DYNC2I1: variants seen among roughly 807,000 people sequenced by gnomAD.
DYNC2I1 encodes cytoplasmic dynein 2 intermediate chain 1.
A neutral mutation model predicts 133.4 loss-of-function variants in DYNC2I1; 89 were observed. The ratio of observed to expected loss-of-function variants is 0.67; its 90% CI spans 0.56 to 0.80. DYNC2I1 has a LOEUF of 0.80. Ranked by LOEUF, DYNC2I1 falls within the 30% of genes least tolerant of loss-of-function variation. The pLI is 0.00. For missense variants in DYNC2I1, 1,291 were observed against 1,314.5 expected (o/e 0.98, Z 0.28); for synonymous variants, 504 against 484.3 (o/e 1.04, Z -0.54).
At chr7:158,949,772 TCC>T (rs1262980859), downstream of DYNC2I1, among the ~76,000 whole-genome samples, 1 of 93,816 alleles carries the variant, frequency 1.1e-5, no homozygotes, top group Non-Finnish European at 2.5e-5. Context: ...CTTTCATTTT[TCC>T]TTTTTTTTTT....
In DYNC2I1 at chr7:158,856,566, CCGCAGGGCACGCTGGG is replaced by C. The variant is rs1841240685; in HGVS notation, c.-168_-153del. 1.6e-6 allele frequency: 1 copy of C among 638,644 alleles called. No individual in the cohort carries two copies. Among genetic ancestry groups the C allele is most frequent in the Non-Finnish European group, 2.2e-6 (1 of 447,978 alleles). 39.6% of individuals were successfully genotyped at this position (638,644 alleles called of 1,614,324 possible). ...GGATGCGCAGGCGCACTGGGAGAGG[CCGCAGGGCACGCTGGG>C]CAGTGCTTCTGGGCCCTCTGCTGCT... On this transcript the variant is annotated 5_prime_UTR_variant, in exon 1 of 25. Transcript: ENST00000407559.
chr7:158,856,726 G>A lies in DYNC2I1; in HGVS notation c.-10G>A, dbSNP rs1271898593. The A allele has an allele frequency of 2.4e-6, 3 of 1,234,400 alleles. No homozygotes were observed. The highest frequency in any genetic ancestry group is 3.0e-6 in the Non-Finnish European group (3 of 987,102). The allele number at this position is 1,234,400 out of a possible 1,614,324, so 76.5% of individuals were successfully genotyped here. On this transcript the variant is annotated 5_prime_UTR_variant, in exon 1 of 25. Coordinates refer to ENST00000407559, the MANE Select transcript of DYNC2I1 (RefSeq NM_018051.5). Reference sequence around the variant, plus strand: ...GAGGACACCGCGGCCGCCCGGGCCTGCGGGAAGCGATGGAGCCCGGGAAGG... The same window carrying A: ...GAGGACACCGCGGCCGCCCGGGCCTACGGGAAGCGATGGAGCCCGGGAAGG...
At chr7:158,873,448 GT>G (rs1563089503) in intron 3 of DYNC2I1, among the ~76,000 whole-genome samples, 1 of 152,104 alleles carries the variant, frequency 6.6e-6, no homozygotes, top group Admixed American at 6.6e-5. Flanking sequence ...CATTTGAGTC[GT>G]TTGAAGATTT....
intron 8 of DYNC2I1, among the ~76,000 whole-genome samples, chr7:158,895,562 A>T (rs1027862596): frequency 2.0e-5 from 3 of 152,222 alleles, no homozygotes; most frequent in Non-Finnish European, 4.4e-5. Flanking sequence ...GGGTCTTGAC[A>T]TCAGGTCATG....
intron 4 of DYNC2I1, among the ~76,000 whole-genome samples, chr7:158,951,747 G>A (rs1183916142): frequency 1.3e-5 from 2 of 152,214 alleles, no homozygotes; most frequent in Admixed American, 1.3e-4. Context: ...GCTGCCTGAG[G>A]CTGAGCTGGC....
chr7:158,916,495 C>G (rs1440589579), intron 14 of DYNC2I1, among the ~76,000 whole-genome samples: 39 of 59,370 alleles, frequency 6.6e-4, no homozygotes, highest in Middle Eastern at 7.9e-3. Flanking sequence ...TGCTGGTTGA[C>G]ATTAAGGATG....
At chr7:158,913,184 T>G (rs1429635431) in intron 13 of DYNC2I1, 88 bp downstream of exon 13, 1 of 1,027,028 alleles carries the variant, frequency 9.7e-7, no homozygotes, top group South Asian at 1.6e-5. Context: ...TGGTTCACTT[T>G]CATTTTGTCT....
chr7:158,920,538 G>A (rs560593558), intron 15 of DYNC2I1, among the ~76,000 whole-genome samples: 2 of 151,480 alleles, frequency 1.3e-5, no homozygotes, highest in Admixed American at 6.6e-5. Context: ...TGGGGAACTC[G>A]TGAAGTGTAT....
At chr7:158,856,865 C>T (rs552406515) in intron 1 of DYNC2I1, 115 bp downstream of exon 1, 10 of 1,169,070 alleles carry the variant, frequency 8.6e-6, no homozygotes, top group Non-Finnish European at 1.1e-5. Flanking sequence ...TCGGCCGGGC[C>T]GGGGCTTCCC....
At position 158,914,253 on chromosome 7, in the gene DYNC2I1, T is replaced by C; in HGVS notation, c.1723T>C (p.Ser575Pro). The C allele has an allele frequency of 6.2e-7, 1 of 1,612,212 alleles. No individual in the cohort carries two copies. The highest frequency in any genetic ancestry group is 8.5e-7 in the Non-Finnish European group (1 of 1,179,118). Reference protein sequence around the residue: ...VSGGSEQRDTSDAVVMPKIDT... With the variant: ...VSGGSEQRDTPDAVVMPKIDT... ...TTTAGGCAGTGAACAAAGAGATACC[T>C]CTGATGCTGTAGTTATGCCAAAGAT... The change falls in exon 14 of 25, where the codon TCT becomes CCT. Residue 575 changes from serine to proline, a missense_variant. By Grantham distance (74) the Ser-to-Pro change is moderately conservative (BLOSUM62 -1). Transcript: ENST00000407559.
At chr7:158,952,929 C>T (rs1033356441) in intron 4 of DYNC2I1, among the ~76,000 whole-genome samples, 29 of 152,350 alleles carry the variant, frequency 1.9e-4, no homozygotes, top group South Asian at 4.1e-4. Flanking sequence ...CTGCTGTGCA[C>T]GGTGGTGAGT....
At chr7:158,910,249 T>A (rs1427168823) in intron 11 of DYNC2I1, among the ~76,000 whole-genome samples, 1 of 152,222 alleles carries the variant, frequency 6.6e-6, no homozygotes, top group East Asian at 1.9e-4. Flanking sequence ...GCCACGTGGG[T>A]GCGGCGTTTC....
chr7:158,867,071 C>T (rs1038814250), intron 1 of DYNC2I1, among the ~76,000 whole-genome samples: 12 of 145,794 alleles, frequency 8.2e-5, no homozygotes, highest in Non-Finnish European at 1.6e-4. Flanking sequence ...TTATTTATAC[C>T]TTTAAGGAAG....
intron 24 of DYNC2I1, among the ~76,000 whole-genome samples, chr7:158,943,300 T>TA (rs1420961475): frequency 6.6e-6 from 1 of 152,222 alleles, no homozygotes; most frequent in Non-Finnish European, 1.5e-5. Context: ...ATGCCTGCGT[T>TA]ACAGGATAAA....
intron 4 of DYNC2I1, among the ~76,000 whole-genome samples, chr7:158,953,530 T>C (rs1273158542): frequency 3.3e-5 from 5 of 151,894 alleles, no homozygotes; most frequent in African/African-American, 1.2e-4. Context: ...AGACAGAGGG[T>C]TGCTTGAGCC....
intron 1 of DYNC2I1, among the ~76,000 whole-genome samples, chr7:158,863,575 G>T: frequency 6.9e-6 from 1 of 145,170 alleles, no homozygotes; most frequent in African/African-American, 2.6e-5. Context: ...CTTAGCTCCA[G>T]GTGTGTGTGA....
chr7:158,944,885 C>T (rs1045695069), intron 24 of DYNC2I1, among the ~76,000 whole-genome samples: 5 of 152,086 alleles, frequency 3.3e-5, no homozygotes, highest in African/African-American at 7.2e-5. Flanking sequence ...AGCCGTAGGC[C>T]CAGGGCCACA....
chr7:158,841,206 TATATATATA>T, the DYNC2I1 span, among the ~76,000 whole-genome samples: 82 of 58,122 alleles, frequency 1.4e-3, 3 homozygotes, highest in South Asian at 0.01. Flanking sequence ...TATATATATA[TATATATATA>T]TATATATTTT....
At chr7:158,934,295 A>G in intron 22 of DYNC2I1, 67 bp downstream of exon 22, 1 of 1,543,338 alleles carries the variant, frequency 6.5e-7, no homozygotes, top group Non-Finnish European at 8.7e-7. Context: ...CCTGATAAAT[A>G]TCTTGATTTA....
Sources: gnomAD v4.1 joint callset for allele counts (sites outside exome capture counted in the v4.1 genomes callset) on GRCh38, gnomAD v4.1.1 for gene constraint, MANE v1.5 for transcripts, NCBI Gene and HGNC (gene_info 2026-07-23, HGNC 2026-07-21) for gene names.